Variants in ALOX12B observed in about 807,000 individuals in gnomAD.
ALOX12B encodes arachidonate 12-lipoxygenase, 12R-type.
Under a neutral mutation model 78.9 loss-of-function variants are expected in ALOX12B, and 47 were observed. The ratio of observed to expected loss-of-function variants is 0.60; its 90% CI spans 0.47 to 0.76. ALOX12B has a LOEUF of 0.76. Ranked by LOEUF, ALOX12B falls within the 30% of genes least tolerant of loss-of-function variation. The pLI, the probability that ALOX12B is intolerant of heterozygous loss-of-function variation, is 0.00. For synonymous variants in ALOX12B, 370 were observed against 374.5 expected, an observed-to-expected ratio of 0.99 and a Z score of 0.14; for missense variants, 805 against 922.6, an observed-to-expected ratio of 0.87 and a Z score of 1.65.
intron 12 of ALOX12B, among the ~76,000 whole-genome samples, chr17:8,074,285 C>T (rs544577934): frequency 1.3e-5 from 2 of 152,292 alleles, no homozygotes; most frequent in South Asian, 4.1e-4. Flanking sequence ...TCCTGTTGTC[C>T]GGTGTGTCCT....
intron 8 of ALOX12B, 43 bp from the exon 9 acceptor site, chr17:8,077,236 C>T: frequency 6.4e-7 from 1 of 1,566,438 alleles, no homozygotes. Context: ...GGGCAGAGAC[C>T]CACACACATA....
chr17:8,077,683 T>G (rs996343266), intron 8 of ALOX12B, among the ~76,000 whole-genome samples: 1 of 152,178 alleles, frequency 6.6e-6, no homozygotes, highest in Non-Finnish European at 1.5e-5. Context: ...TGGGGGGACC[T>G]CTGGGAAGGA....
At position 8,077,151 on chromosome 17, in the gene ALOX12B, T is replaced by C. The variant is rs1237706242; in HGVS notation, c.1114A>G (p.Ser372Gly). 1.2e-6 allele frequency: 2 copies of C among 1,613,622 alleles called. No individual in the cohort carries two copies. Among genetic ancestry groups the C allele is most frequent in the African/African-American group, 2.7e-5 (2 of 74,876 alleles). The change falls in exon 9 of 15, where the codon AGT (serine) becomes GGT (glycine). Residue 372 changes from serine to glycine, a missense_variant. Transcript: ENST00000647874. ...AGCAGCCAGTCCCACTCAGAATCACTGGGCAGGAAGATGGGGCAATCTGGC... is the reference window on the plus strand; with the variant it reads ...AGCAGCCAGTCCCACTCAGAATCACCGGGCAGGAAGATGGGGCAATCTGGC... Reference protein sequence around the residue: ...PGPDCPIFLPSDSEWDWLLAK... With the variant: ...PGPDCPIFLPGDSEWDWLLAK...
chr17:8,082,692 G>T (rs1300881813), intron 2 of ALOX12B, among the ~76,000 whole-genome samples: 1 of 152,126 alleles, frequency 6.6e-6, no homozygotes, highest in African/African-American at 2.4e-5. Context: ...TCAATAAATA[G>T]TGTGGAGACC....
At position 8,086,043 on chromosome 17, in the gene ALOX12B, C is replaced by G. The variant is rs536446862; in HGVS notation, c.325G>C (p.Glu109Gln). Residue 109 changes from glutamate to glutamine, a missense_variant, in exon 2 of 15, where the codon GAG becomes CAG. Physicochemically the swap from Glu to Gln is conservative, Grantham distance 29 (BLOSUM62 2). Coordinates refer to ENST00000647874, the MANE Select transcript of ALOX12B (RefSeq NM_001139.3). ...GTGGCCTCCCGGAGTGCCAGGGTCT[C>G]GTAGCCATCCATCCACTGGTAGGCG... ...FPAYQWMDGY[E>Q]TLALREATGK... 18 of 1,614,062 alleles carry G rather than the reference C, an allele frequency of 1.1e-5. 1 individual carries two copies. The highest frequency in any genetic ancestry group is 3.3e-4 in the Middle Eastern group (2 of 6,084).
In ALOX12B at chr17:8,073,200, G is replaced by T; in HGVS notation, c.1874C>A (p.Thr625Lys). 2 of 1,614,182 alleles carry T rather than the reference G, an allele frequency of 1.2e-6. No homozygotes were observed. The highest frequency in any genetic ancestry group is 1.1e-5 in the South Asian group (1 of 91,080). Reference sequence around the variant, plus strand: ...CCAGAGCACCAGCAGCGTGATGCACGTGGTCTTCACATCCGGCAACGTGTC... The same window carrying T: ...CCAGAGCACCAGCAGCGTGATGCACTTGGTCTTCACATCCGGCAACGTGTC... Reference protein sequence around the residue: ...FMDTLPDVKTTCITLLVLWTL... With the variant: ...FMDTLPDVKTKCITLLVLWTL... Residue 625 changes from threonine (T) to lysine (K), a missense_variant, in exon 14 of 15, where the codon ACG (threonine) becomes AAG (lysine). Transcript: ENST00000647874.
chr17:8,073,022 C>A, intron 14 of ALOX12B, 72 bp from the exon 15 acceptor site: 1 of 1,596,204 alleles, frequency 6.3e-7, no homozygotes. Context: ...TGGCCCTGGC[C>A]CCTCCACCCT....
At chr17:8,077,278 AGTATGAGAAGGTGAAAACAC>A in intron 8 of ALOX12B, 85 bp from the exon 9 acceptor site, 1 of 1,379,054 alleles carries the variant, frequency 7.3e-7, no homozygotes, top group South Asian at 1.3e-5. Flanking sequence ...GGCAGAAGGG[AGTATGAGAAGGTGAAAACAC>A]TCCTAAGCTC....
intron 8 of ALOX12B, among the ~76,000 whole-genome samples, chr17:8,077,681 C>T (rs900689005): frequency 6.6e-6 from 1 of 152,208 alleles, no homozygotes; most frequent in Non-Finnish European, 1.5e-5. Context: ...CTTGGGGGGA[C>T]CTCTGGGAAG....
chr17:8,077,245 T>C (rs529423643), intron 8 of ALOX12B, 52 bp from the exon 9 acceptor site: 168 of 1,536,404 alleles, frequency 1.1e-4, no homozygotes, highest in African/African-American at 5.8e-4. Context: ...CCCACACACA[T>C]AAAGGCCCCA....
chr17:8,073,220 C>A lies in ALOX12B; in HGVS notation c.1854G>T (p.Thr618=), dbSNP rs542074777. ...GLTTLETFMD[T]LPDVKTTCIT... ...TGCACGTGGTCTTCACATCCGGCAA[C>A]GTGTCCATGAAGGTCTCCAGAGTGG... is the stretch of plus-strand genomic sequence containing the variant. The change falls in exon 14 of 15, where the codon ACG becomes ACT. Residue 618 remains threonine (T), a synonymous_variant. Coordinates refer to ENST00000647874, the MANE Select transcript of ALOX12B (RefSeq NM_001139.3). The A allele has an allele frequency of 2.2e-4, 363 of 1,614,078 alleles. No homozygotes were observed. The highest frequency in any genetic ancestry group is 3.0e-4 in the Non-Finnish European group (351 of 1,180,040).
Position 8,087,655 on chromosome 17 carries a change from G to A in ALOX12B, c.-213C>T. On this transcript the variant is annotated 5_prime_UTR_variant, in exon 1 of 15. Transcript: ENST00000647874. ...CCCTTGGTGGCCGGGGTGGGTGCCG[G>A]GCAGGCCCAGGCGGAGCCCAGCTGG... is the stretch of plus-strand genomic sequence containing the variant. 1 of 726,362 alleles carries A rather than the reference G, an allele frequency of 1.4e-6. No homozygotes were observed. The highest frequency in any genetic ancestry group is 2.3e-6 in the Non-Finnish European group (1 of 444,220). 45.0% of individuals were successfully genotyped at this position (726,362 alleles called of 1,614,324 possible).
rs763709963 is a variant in ALOX12B, at chr17:8,076,270, G to C, written c.1437C>G (p.Leu479=). The change falls in exon 11 of 15, where the codon CTC becomes CTG. Residue 479 remains leucine (L), a synonymous_variant. Transcript: ENST00000647874. ...GCTCCACAAAGTCATTGGGGAGGTA[G>C]AGGCTGTCATAGGTGAGCTCCGACA... is the stretch of plus-strand genomic sequence containing the variant. ...RALSELTYDS[L]YLPNDFVERG... is the part of the protein sequence containing the mutation. The C allele has an allele frequency of 6.2e-7, 1 of 1,614,114 alleles. No homozygotes were observed. The highest frequency in any genetic ancestry group is 8.5e-7 in the Non-Finnish European group (1 of 1,180,010).
At chr17:8,085,199 A>G (rs533100965) in intron 2 of ALOX12B, among the ~76,000 whole-genome samples, 29 of 152,336 alleles carry the variant, frequency 1.9e-4, no homozygotes, top group African/African-American at 2.6e-4. Flanking sequence ...AAAATGCTCA[A>G]TTAGAAAACT....
intron 8 of ALOX12B, among the ~76,000 whole-genome samples, chr17:8,077,850 C>A (rs1164973389): frequency 6.6e-6 from 1 of 152,226 alleles, no homozygotes; most frequent in East Asian, 1.9e-4. Flanking sequence ...CCCACAGACA[C>A]ATATACATGC....
chr17:8,081,930 A>C (rs1977225913), intron 2 of ALOX12B, among the ~76,000 whole-genome samples: 1 of 152,142 alleles, frequency 6.6e-6, no homozygotes, highest in African/African-American at 2.4e-5. Flanking sequence ...GGTGTGAGCC[A>C]CCACACCTGG....
In ALOX12B at chr17:8,080,688, G is replaced by T. The variant is rs773626846; in HGVS notation, c.620C>A (p.Thr207Lys). The T allele has an allele frequency of 1.5e-5, 25 of 1,614,058 alleles. No individual in the cohort carries two copies. The highest frequency in any genetic ancestry group is 2.7e-5 in the African/African-American group (2 of 74,924). Reference protein sequence around the residue: ...NLNLRYSFLKTASFFVRLGPM... With the variant: ...NLNLRYSFLKKASFFVRLGPM... Reference sequence around the variant, plus strand: ...CCCCAGGCGGACGAAGAAGGAGGCCGTCTTGAGGAAGGAGTAGCGGAGATT... The same window carrying T: ...CCCCAGGCGGACGAAGAAGGAGGCCTTCTTGAGGAAGGAGTAGCGGAGATT... Residue 207 changes from threonine to lysine, a missense_variant, in exon 5 of 15, where the codon ACG (threonine) becomes AAG (lysine). Thr to Lys is a moderately conservative substitution (Grantham distance 78). Coordinates refer to ENST00000647874, the MANE Select transcript of ALOX12B (RefSeq NM_001139.3). The surrounding 1 kb of genome is among the most constrained non-coding windows in gnomAD (Gnocchi z 4.8).
chr17:8,073,542 C>T, intron 13 of ALOX12B, 115 bp downstream of exon 13: 1 of 1,129,138 alleles, frequency 8.9e-7, no homozygotes, highest in Non-Finnish European at 1.3e-6. Context: ...GAAGCTGGAA[C>T]AAGTTGAGGC....
chr17:8,086,279 C>CTT, intron 1 of ALOX12B, 59 bp from the exon 2 acceptor site: 1 of 1,560,984 alleles, frequency 6.4e-7, no homozygotes, highest in Non-Finnish European at 8.7e-7. Flanking sequence ...CCCAGGCCGC[C>CTT]CACCCCTCTG....
Sources: gnomAD v4.1 joint callset for allele counts (sites outside exome capture counted in the v4.1 genomes callset) on GRCh38, gnomAD v4.1.1 for gene constraint, Gnocchi (gnomAD v3.1) non-coding constraint, MANE v1.5 for transcripts, NCBI Gene and HGNC (gene_info 2026-07-23, HGNC 2026-07-21) for gene names.